The following KDM4C variants were observed in gnomAD, a reference collection of about 807,000 sequenced individuals.
KDM4C encodes lysine demethylase 4C.
Under a neutral mutation model 129.3 loss-of-function variants are expected in KDM4C, and 81 were observed. The ratio of observed to expected loss-of-function variants is 0.63; its 90% CI spans 0.52 to 0.75. The LOEUF (loss-of-function observed/expected upper bound fraction) is 0.75. Ranked by LOEUF, KDM4C falls within the 30% of genes least tolerant of loss-of-function variation. KDM4C has a pLI of 0.00. For missense variants in KDM4C, 1,457 were observed against 1,304.0 expected (o/e 1.12, Z -1.81); for synonymous variants, 573 against 456.1 (o/e 1.26, Z -3.26).
intron 12 of KDM4C, among the ~76,000 whole-genome samples, chr9:6,993,702 G>T (rs889791202): frequency 2.0e-5 from 3 of 152,284 alleles, no homozygotes; most frequent in South Asian, 4.1e-4. Flanking sequence ...GCCATGGAAC[G>T]TACTAGATGT....
chr9:7,058,439 A>C (rs1831173783), intron 17 of KDM4C, among the ~76,000 whole-genome samples: 1 of 152,188 alleles, frequency 6.6e-6, no homozygotes, highest in African/African-American at 2.4e-5. Context: ...AAATATTCTC[A>C]CCGTGTCCAG....
intron 8 of KDM4C, among the ~76,000 whole-genome samples, chr9:6,907,360 G>A (rs1818498349): frequency 6.6e-6 from 1 of 152,112 alleles, no homozygotes; most frequent in Admixed American, 6.6e-5. Flanking sequence ...CTACTTCTGT[G>A]AGGTTGACAT....
At chr9:7,167,164 A>C (rs1844472074) in intron 20 of KDM4C, among the ~76,000 whole-genome samples, 1 of 152,222 alleles carries the variant, frequency 6.6e-6, no homozygotes, top group Non-Finnish European at 1.5e-5. Flanking sequence ...ATGATTTAAG[A>C]ATAATTTTTT....
At chr9:6,752,143 C>G (rs1016435370) in intron 1 of KDM4C, among the ~76,000 whole-genome samples, 2 of 150,928 alleles carry the variant, frequency 1.3e-5, no homozygotes, top group African/African-American at 4.9e-5. Flanking sequence ...ACCATCCTGG[C>G]TAACACGGTG....
intron 1 of KDM4C, among the ~76,000 whole-genome samples, chr9:6,792,303 G>A (rs979215110): frequency 3.2e-4 from 48 of 151,974 alleles, no homozygotes; most frequent in African/African-American, 9.7e-4. Context: ...AGATTGCGCC[G>A]CTGCACTCCT....
At chr9:6,755,562 T>TAAATA (rs930750699), upstream of KDM4C, among the ~76,000 whole-genome samples, 2 of 151,998 alleles carry the variant, frequency 1.3e-5, no homozygotes, top group African/African-American at 4.8e-5. Flanking sequence ...AACAAACAAA[T>TAAATA]AAATAAAATA....
intron 1 of KDM4C, among the ~76,000 whole-genome samples, chr9:6,738,212 C>CA (rs1282655449): frequency 6.6e-6 from 1 of 151,486 alleles, no homozygotes; most frequent in Non-Finnish European, 1.5e-5. Context: ...CCTGGTGGCT[C>CA]ACACCTGTAA....
intron 19 of KDM4C, among the ~76,000 whole-genome samples, chr9:7,140,193 C>T (rs1841602369): frequency 6.6e-6 from 1 of 152,026 alleles, no homozygotes; most frequent in Non-Finnish European, 1.5e-5. Flanking sequence ...AGTTAACAAC[C>T]TGACCATCAC....
upstream of KDM4C, among the ~76,000 whole-genome samples, chr9:6,755,392 T>A (rs1174082389): frequency 7.0e-6 from 1 of 143,744 alleles, no homozygotes; most frequent in Non-Finnish European, 1.5e-5. Context: ...AATGCAAAAA[T>A]TAGCTGGGCA....
chr9:6,815,338 T>C (rs994426803), intron 4 of KDM4C, among the ~76,000 whole-genome samples: 1 of 152,166 alleles, frequency 6.6e-6, no homozygotes, highest in Non-Finnish European at 1.5e-5. Context: ...TGAAACCTTC[T>C]ATGCCCTCTC....
At chr9:6,865,770 C>A (rs974546376) in intron 5 of KDM4C, among the ~76,000 whole-genome samples, 2 of 149,908 alleles carry the variant, frequency 1.3e-5, no homozygotes, top group Admixed American at 6.6e-5. Context: ...TTTTTTTGTG[C>A]GACGGAGTCT....
chr9:6,981,933 C>G (rs1373810766), intron 9 of KDM4C: 1 of 185,112 alleles, frequency 5.4e-6, no homozygotes, highest in Non-Finnish European at 1.3e-5. Flanking sequence ...ACCTCACTAT[C>G]CAGAGATAAC....
At chr9:6,866,511 C>G (rs1842009815) in intron 5 of KDM4C, among the ~76,000 whole-genome samples, 1 of 152,248 alleles carries the variant, frequency 6.6e-6, no homozygotes, top group Middle Eastern at 3.4e-3. Flanking sequence ...TTGGCATCTC[C>G]GTTGGCTGAA....
At chr9:7,048,843 A>G (rs933118109) in intron 16 of KDM4C, among the ~76,000 whole-genome samples, 2 of 152,100 alleles carry the variant, frequency 1.3e-5, no homozygotes, top group Non-Finnish European at 2.9e-5. Context: ...AAATATGTGC[A>G]CGTTAATAGG....
At chr9:6,766,310 G>A (rs2130533328) in intron 1 of KDM4C, among the ~76,000 whole-genome samples, 1 of 152,182 alleles carries the variant, frequency 6.6e-6, no homozygotes, top group African/African-American at 2.4e-5. Context: ...TCAGATTTTG[G>A]AGTATTTCAG....
intron 8 of KDM4C, among the ~76,000 whole-genome samples, chr9:6,929,472 T>G (rs971091147): frequency 2.1e-5 from 1 of 47,612 alleles, no homozygotes; most frequent in African/African-American, 1.4e-4. Flanking sequence ...TGACTTTTTC[T>G]TTTTTTTTTT....
intron 2 of KDM4C, among the ~76,000 whole-genome samples, chr9:6,803,294 C>T (rs1829344938): frequency 1.3e-5 from 2 of 152,106 alleles, no homozygotes; most frequent in East Asian, 1.9e-4. Context: ...TGTTTTAGGC[C>T]AGGCACGGTG....
intron 4 of KDM4C, among the ~76,000 whole-genome samples, chr9:6,838,650 G>T (rs766299281): frequency 6.6e-6 from 1 of 152,120 alleles, no homozygotes; most frequent in African/African-American, 2.4e-5. Context: ...GATGGTTGTT[G>T]TTGAGAATTC....
At chr9:6,768,579 C>T (rs1343056861) in intron 1 of KDM4C, among the ~76,000 whole-genome samples, 2 of 152,012 alleles carry the variant, frequency 1.3e-5, no homozygotes, top group East Asian at 3.9e-4. Context: ...TCATATTTCA[C>T]TATTTGTTAT....
Sources: gnomAD v4.1 joint callset for allele counts (sites outside exome capture counted in the v4.1 genomes callset) on GRCh38, gnomAD v4.1.1 for gene constraint, MANE v1.5 for transcripts, NCBI Gene and HGNC (gene_info 2026-07-23, HGNC 2026-07-21) for gene names.